Variants in RAB6B observed in about 807,000 individuals in gnomAD.
RAB6B encodes the protein ras-related protein Rab-6B.
Under a neutral mutation model 31.2 loss-of-function variants are expected in RAB6B, and 7 were observed. The ratio of observed to expected loss-of-function variants is 0.22; its 90% CI spans 0.13 to 0.42. The LOEUF (loss-of-function observed/expected upper bound fraction) is 0.42. Among genes scored for constraint, RAB6B ranks in the 10% least tolerant of loss-of-function variants. The pLI is 1.00. For missense variants in RAB6B, 149 were observed against 280.6 expected, an observed-to-expected ratio of 0.53 and a Z score of 3.35; for synonymous variants, 105 against 104.9, an observed-to-expected ratio of 1.00 and a Z score of -0.01.
intron 1 of RAB6B, among the ~76,000 whole-genome samples, chr3:133,889,595 T>C (rs1936609509): frequency 6.6e-6 from 1 of 151,608 alleles, no homozygotes; most frequent in Non-Finnish European, 1.5e-5. Flanking sequence ...CCACCATGCC[T>C]GGCTAATGTT....
intron 1 of RAB6B, among the ~76,000 whole-genome samples, chr3:133,876,769 C>T (rs1052405883): frequency 3.9e-5 from 6 of 152,134 alleles, no homozygotes; most frequent in African/African-American, 1.4e-4. Flanking sequence ...ATTTTGTTGC[C>T]ACTTGGAGGG....
At chr3:133,852,698 C>T (rs565012405) in intron 2 of RAB6B, among the ~76,000 whole-genome samples, 3 of 152,218 alleles carry the variant, frequency 2.0e-5, no homozygotes, top group East Asian at 3.9e-4. Flanking sequence ...AGGCTGGTCT[C>T]GAACTCCAGG....
At chr3:133,868,625 T>C (rs566387334) in intron 1 of RAB6B, among the ~76,000 whole-genome samples, 6 of 152,344 alleles carry the variant, frequency 3.9e-5, no homozygotes, top group Admixed American at 3.9e-4. Flanking sequence ...ATTATTGAGC[T>C]TTTTTATTTT....
intron 1 of RAB6B, among the ~76,000 whole-genome samples, chr3:133,874,414 T>C (rs1936364927): frequency 6.6e-6 from 1 of 152,208 alleles, no homozygotes; most frequent in Non-Finnish European, 1.5e-5. Flanking sequence ...CTGTAGGCAA[T>C]TGTAACTCAG....
intron 1 of RAB6B, among the ~76,000 whole-genome samples, chr3:133,878,900 A>C (rs535727941): frequency 2.9e-4 from 44 of 152,376 alleles, no homozygotes; most frequent in Non-Finnish European, 5.3e-4. Flanking sequence ...CACTGCTAGC[A>C]GATCAACAAT....
At chr3:133,841,235 C>A (rs187009053) in intron 4 of RAB6B, 50 bp downstream of exon 4, 14 of 1,582,538 alleles carry the variant, frequency 8.8e-6, no homozygotes, top group Middle Eastern at 1.7e-4. Flanking sequence ...CACACCTGGG[C>A]CCTGGACCCC....
intron 1 of RAB6B, among the ~76,000 whole-genome samples, chr3:133,877,200 C>T (rs1266003072): frequency 6.6e-6 from 1 of 152,150 alleles, no homozygotes; most frequent in Non-Finnish European, 1.5e-5. Flanking sequence ...AACACAGCAG[C>T]TAGAGTTCAG....
intron 1 of RAB6B, among the ~76,000 whole-genome samples, chr3:133,884,647 AG>A (rs1936513452): frequency 6.6e-6 from 1 of 152,198 alleles, no homozygotes; most frequent in Non-Finnish European, 1.5e-5. Flanking sequence ...GCTGCATAAC[AG>A]GGCTAGGGGG....
chr3:133,861,051 A>G (rs1178683090), intron 2 of RAB6B, among the ~76,000 whole-genome samples: 1 of 152,236 alleles, frequency 6.6e-6, no homozygotes, highest in African/African-American at 2.4e-5. Flanking sequence ...GCACCTGCAG[A>G]GGCTGAACCC....
chr3:133,891,488 G>A (rs115497863), intron 1 of RAB6B, among the ~76,000 whole-genome samples: 4,430 of 152,254 alleles, frequency 0.029, 84 homozygotes, highest in Non-Finnish European at 0.039. Context: ...CCCCAGAGGC[G>A]GGTCAGGCGC....
intron 2 of RAB6B, among the ~76,000 whole-genome samples, chr3:133,847,280 C>G (rs928056343): frequency 6.6e-6 from 1 of 152,266 alleles, no homozygotes; most frequent in African/African-American, 2.4e-5. Context: ...ATGTCCACAG[C>G]TGAGACTGCA....
intron 6 of RAB6B, among the ~76,000 whole-genome samples, chr3:133,835,772 C>T (rs1240956401): frequency 6.6e-6 from 1 of 151,870 alleles, no homozygotes; most frequent in Non-Finnish European, 1.5e-5. Flanking sequence ...GAATGAGGCC[C>T]GAGGGAGCCT....
intron 1 of RAB6B, among the ~76,000 whole-genome samples, chr3:133,872,194 C>T (rs1256955547): frequency 1.3e-5 from 2 of 152,262 alleles, no homozygotes; most frequent in Non-Finnish European, 1.5e-5. Flanking sequence ...AAGTCTGCTT[C>T]CTCATTGTGC....
intron 1 of RAB6B, among the ~76,000 whole-genome samples, chr3:133,878,323 A>G (rs1209813330): frequency 2.0e-5 from 3 of 152,230 alleles, no homozygotes; most frequent in African/African-American, 4.8e-5. Flanking sequence ...AGAAACAAAC[A>G]TAAAAAGGAC....
chr3:133,849,540 A>T (rs1005358925), intron 2 of RAB6B, among the ~76,000 whole-genome samples: 37 of 152,252 alleles, frequency 2.4e-4, no homozygotes, highest in Non-Finnish European at 4.8e-4. Context: ...CTTATGCATG[A>T]GAAGGTGCTA....
chr3:133,880,235 AATACCCAAGGCTTAT>A (rs1379862137), intron 1 of RAB6B, among the ~76,000 whole-genome samples: 1 of 152,246 alleles, frequency 6.6e-6, no homozygotes, highest in Non-Finnish European at 1.5e-5. Flanking sequence ...TATATGCTTT[AATACCCAAGGCTTAT>A]ATACCCAAGG....
At chr3:133,852,062 G>A (rs1935992436) in intron 2 of RAB6B, among the ~76,000 whole-genome samples, 1 of 152,226 alleles carries the variant, frequency 6.6e-6, no homozygotes, top group Admixed American at 6.5e-5. Flanking sequence ...GGGAATGAGC[G>A]TGGTCCAGGC....
At position 133,838,119 on chromosome 3, in the gene RAB6B, CACCGTGCCGGGCCCCGT is replaced by C. The variant is rs748975532; in HGVS notation, c.495+30_495+46del. On this transcript the variant is annotated intron_variant, in intron 6 of 7. Transcript: ENST00000285208. Reference sequence around the variant, plus strand: ...GAGCCTGCAGCTGACCACAGGGCTACACCGTGCCGGGCCCCGTGCCGGGCCCCGTGCCAGGTGTGTCC... The same window carrying C: ...GAGCCTGCAGCTGACCACAGGGCTACGCCGGGCCCCGTGCCAGGTGTGTCC... The C allele has an allele frequency of 7.3e-6, 11 of 1,512,524 alleles. No individual in the cohort carries two copies. In the African/African-American group the frequency reaches 1.3e-4, roughly 17 times the overall value. The allele number at this position is 1,512,524 out of a possible 1,614,324, so 93.7% of individuals were successfully genotyped here.
At chr3:133,885,872 C>G (rs1251915020) in intron 1 of RAB6B, among the ~76,000 whole-genome samples, 4 of 152,030 alleles carry the variant, frequency 2.6e-5, no homozygotes, top group African/African-American at 9.7e-5. Context: ...GTTTACAAGC[C>G]CTCTCTATAA....
Sources: gnomAD v4.1 joint callset for allele counts (sites outside exome capture counted in the v4.1 genomes callset) on GRCh38, gnomAD v4.1.1 for gene constraint, MANE v1.5 for transcripts, NCBI Gene and HGNC (gene_info 2026-07-23, HGNC 2026-07-21) for gene names.